The following FGF12 variants were observed in gnomAD, a reference collection of about 807,000 sequenced individuals.
The protein encoded by FGF12 is fibroblast growth factor 12.
Under a neutral mutation model 23.6 loss-of-function variants are expected in FGF12, and 14 were observed. The ratio of observed to expected loss-of-function variants is 0.59; its 90% confidence interval spans 0.39 to 0.93. The LOEUF (loss-of-function observed/expected upper bound fraction) is 0.93. Among genes scored for constraint, FGF12 ranks in the 40% least tolerant of loss-of-function variants. The pLI, the probability that FGF12 is intolerant of heterozygous loss-of-function variation, is 0.00. For missense variants in FGF12, 175 were observed against 217.8 expected (o/e 0.80, Z 1.24); for synonymous variants, 62 against 77.3 (o/e 0.80, Z 1.04).
chr3:192,261,492 A>G (rs180988255), intron 4 of FGF12, among the ~76,000 whole-genome samples: 1 of 152,138 alleles, frequency 6.6e-6, no homozygotes, highest in African/African-American at 2.4e-5. Flanking sequence ...CAAGCTTTTA[A>G]GTTTGGATTA....
At chr3:192,459,260 CTTAG>C (rs1328046239) in intron 2 of FGF12, among the ~76,000 whole-genome samples, 2 of 152,168 alleles carry the variant, frequency 1.3e-5, no homozygotes, top group African/African-American at 4.8e-5. Context: ...ATTTCACCAA[CTTAG>C]TTAAGTTAGC....
intron 2 of FGF12, among the ~76,000 whole-genome samples, chr3:192,665,100 G>C (rs1290540895): frequency 1.3e-5 from 2 of 152,162 alleles, no homozygotes; most frequent in Non-Finnish European, 2.9e-5. Context: ...TTCTGTATTA[G>C]AGAGATTGAG....
At chr3:192,289,997 T>A (rs1275129200) in intron 4 of FGF12, among the ~76,000 whole-genome samples, 1 of 152,188 alleles carries the variant, frequency 6.6e-6, no homozygotes, top group African/African-American at 2.4e-5. Context: ...TGCAAGATGA[T>A]TGCTTTGCAT....
At chr3:192,683,804 C>A (rs1016657636) in intron 2 of FGF12, among the ~76,000 whole-genome samples, 6 of 152,132 alleles carry the variant, frequency 3.9e-5, no homozygotes, top group African/African-American at 1.2e-4. Context: ...AAGGCACAGG[C>A]AACAGAATTG....
chr3:192,296,228 A>G, intron 4 of FGF12, among the ~76,000 whole-genome samples: 1 of 133,026 alleles, frequency 7.5e-6, no homozygotes, highest in South Asian at 2.3e-4. Flanking sequence ...ATTTTATTTT[A>G]TTTTTTTTTT....
At chr3:192,319,088 A>G (rs1716392053) in intron 4 of FGF12, among the ~76,000 whole-genome samples, 1 of 152,234 alleles carries the variant, frequency 6.6e-6, no homozygotes. Flanking sequence ...CTGAGGGATT[A>G]TATCAACACC....
intron 4 of FGF12, among the ~76,000 whole-genome samples, chr3:192,295,324 A>G (rs1057304356): frequency 3.3e-5 from 5 of 152,222 alleles, no homozygotes; most frequent in African/African-American, 1.2e-4. Flanking sequence ...AAATATTTAT[A>G]CCACTAGGTC....
At chr3:192,311,983 T>G (rs116757759) in intron 4 of FGF12, among the ~76,000 whole-genome samples, 1,741 of 131,806 alleles carry the variant, frequency 0.013, 13 homozygotes, top group Middle Eastern at 0.047. Flanking sequence ...CTATCTGTTT[T>G]CAGATCATTT....
chr3:192,647,399 A>G (rs1716043862), intron 2 of FGF12, among the ~76,000 whole-genome samples: 1 of 152,076 alleles, frequency 6.6e-6, no homozygotes, highest in African/African-American at 2.4e-5. Flanking sequence ...CATTAAGAAG[A>G]TAGAGAGGGG....
intron 2 of FGF12, among the ~76,000 whole-genome samples, chr3:192,458,755 C>T (rs1722763283): frequency 1.3e-5 from 2 of 152,028 alleles, no homozygotes. Context: ...TGGGAAGGCA[C>T]AATTGGTTTT....
In FGF12 at chr3:192,452,696, TG is replaced by T. The variant is rs372895537; in HGVS notation, c.14-92159del. 1.6e-3 allele frequency among the ~76,000 whole-genome samples: 247 copies of T among 152,370 alleles called. 1 individual carries two copies. Among genetic ancestry groups the T allele is most frequent in the African/African-American group, 5.5e-3 (228 of 41,596 alleles). ...CTGGAGTTGTTCAGTGCACAGCCTA[TG>T]TGGCTCCACTCAGCATCCTTGTCCG... On this transcript the variant is annotated intron_variant, in intron 2 of 5. Coordinates refer to ENST00000445105, the MANE Select transcript of FGF12 (RefSeq NM_004113.6).
chr3:192,460,565 GCTA>G (rs1220750822), intron 2 of FGF12, among the ~76,000 whole-genome samples: 4 of 151,794 alleles, frequency 2.6e-5, no homozygotes, highest in Admixed American at 6.6e-5. Flanking sequence ...GCAAGCACAG[GCTA>G]CAGACGCTTT....
intron 2 of FGF12, among the ~76,000 whole-genome samples, chr3:192,603,888 C>T (rs1714226283): frequency 1.3e-5 from 2 of 152,074 alleles, no homozygotes. Context: ...AAAAATTTAC[C>T]AGGATGGAGT....
chr3:192,427,395 A>G (rs1210848527), intron 2 of FGF12, among the ~76,000 whole-genome samples: 1 of 146,514 alleles, frequency 6.8e-6, no homozygotes, highest in Non-Finnish European at 1.5e-5. Flanking sequence ...AAAAAAAAAA[A>G]GAGTAGAAGT....
rs1488485315 is a variant in FGF12 at position 192,409,658 on chromosome 3, G to C, written c.14-49120C>G. Among the ~76,000 whole-genome samples the C allele has an allele frequency of 6.6e-6, 1 of 152,210 alleles. No individual in the cohort carries two copies. Among genetic ancestry groups the C allele is most frequent in the African/African-American group, 2.4e-5 (1 of 41,470 alleles). ...GGTGGGGCGGGGGCTGGCTGCAGGC[G>C]ATGTTGGCTCGCGGCGGCTGAGGCT... On this transcript the variant is annotated intron_variant, in intron 2 of 5. Coordinates refer to ENST00000445105, the MANE Select transcript of FGF12 (RefSeq NM_004113.6). The surrounding 1 kb of genome is among the most constrained non-coding windows in gnomAD (Gnocchi z 4.8).
Position 192,346,510 on chromosome 3 carries a change from G to A in FGF12, c.125-11046C>T, listed in dbSNP as rs151186895. 1.6e-3 allele frequency among the ~76,000 whole-genome samples: 241 copies of A among 152,182 alleles called. 1 individual carries two copies. Among genetic ancestry groups the A allele is most frequent in the African/African-American group, 5.3e-3 (221 of 41,528 alleles). ...AATCTGGTGATTCTTCTAATCACTT[G>A]GTAGTACCAGTGACACCTTTTGTTT... On this transcript the variant is annotated intron_variant, in intron 3 of 5. Transcript: ENST00000445105.
intron 5 of FGF12, among the ~76,000 whole-genome samples, chr3:192,163,200 C>T (rs1160755287): frequency 6.6e-6 from 1 of 152,094 alleles, no homozygotes; most frequent in African/African-American, 2.4e-5. Flanking sequence ...TTCATTCAAA[C>T]AAAAATTGCT....
rs76332000 is a variant in FGF12 at position 192,185,220 on chromosome 3, T to C, written c.229-14564A>G. Among the ~76,000 whole-genome samples the C allele has an allele frequency of 6.1e-3, 923 of 152,318 alleles. 5 individuals carry two copies. Among genetic ancestry groups the C allele is most frequent in the African/African-American group, 0.021 (888 of 41,564 alleles). On this transcript the variant is annotated intron_variant, in intron 4 of 5. Coordinates refer to ENST00000445105, the MANE Select transcript of FGF12 (RefSeq NM_004113.6). The stretch of plus-strand genomic sequence containing the variant: ...CATAATGATCACTTTGTATTACATA[T>C]CATGTGTATTTGCAATGATGACATA...
intron 4 of FGF12, among the ~76,000 whole-genome samples, chr3:192,192,480 T>C (rs1716844178): frequency 6.8e-6 from 1 of 147,886 alleles, no homozygotes; most frequent in South Asian, 2.1e-4. Flanking sequence ...AAATATATAA[T>C]ATAAATATAT....
Sources: allele counts gnomAD v4.1 joint callset (sites outside exome capture counted in the v4.1 genomes callset), GRCh38; gene constraint gnomAD v4.1.1; non-coding constraint Gnocchi (gnomAD v3.1); transcripts MANE v1.5; gene names NCBI Gene and HGNC (gene_info 2026-07-23, HGNC 2026-07-21).